LAMA2: variants seen among roughly 807,000 people sequenced by gnomAD.
The protein encoded by LAMA2 is laminin subunit alpha-2.
In LAMA2, 269 loss-of-function variants were observed where a neutral mutation model predicts 364.8. That is an observed-to-expected ratio of 0.74 (90% CI 0.67 to 0.82). The LOEUF is 0.82. Among genes scored for constraint, LAMA2 ranks in the 40% least tolerant of loss-of-function variants. The pLI is 0.00. For synonymous variants in LAMA2, 1,379 were observed against 1,370.6 expected (o/e 1.01, Z -0.14); for missense variants, 3,807 against 3,873.2 (o/e 0.98, Z 0.45).
chr6:129,315,404 G>T (rs1409676401), intron 24 of LAMA2, 72 bp from the exon 25 acceptor site: 1 of 1,366,254 alleles, frequency 7.3e-7, no homozygotes, highest in African/African-American at 1.4e-5. Context: ...TAGACATGCA[G>T]TTCGTAACTT....
intron 1 of LAMA2, among the ~76,000 whole-genome samples, chr6:129,040,781 A>ACTG (rs1402521410): frequency 6.6e-6 from 1 of 152,202 alleles, no homozygotes; most frequent in Non-Finnish European, 1.5e-5. Context: ...AAGTGTTGTC[A>ACTG]CTGCTGGAGA....
Position 129,128,632 on chromosome 6 carries a change from A to G in LAMA2, c.640-15269A>G, listed in dbSNP as rs141174721. Among the ~76,000 whole-genome samples the G allele has an allele frequency of 2.5e-4, 38 of 152,352 alleles. No individual in the cohort carries two copies. The East Asian group carries it at 6.9e-3, about 28-fold the overall frequency. ...TTAAATTCTTCCAATCCATGAACAC[A>G]GGATATCTTTCCATTTATTCATGCC... On this transcript the variant is annotated intron_variant, in intron 4 of 64. Coordinates refer to ENST00000421865, the MANE Select transcript of LAMA2 (RefSeq NM_000426.4).
At chr6:129,250,944 A>G (rs561375959) in intron 13 of LAMA2, among the ~76,000 whole-genome samples, 1 of 151,806 alleles carries the variant, frequency 6.6e-6, no homozygotes, top group Non-Finnish European at 1.5e-5. Flanking sequence ...AAAATGAAAA[A>G]TTCTTTTCTC....
intron 12 of LAMA2, among the ~76,000 whole-genome samples, chr6:129,226,513 T>G (rs1364383042): frequency 1.3e-5 from 2 of 152,126 alleles, no homozygotes; most frequent in Admixed American, 6.6e-5. Context: ...AGGAGCTCTT[T>G]TAGGGCAGGC....
rs1248768902 is a variant in LAMA2 at position 129,098,292 on chromosome 6, A to G, written c.516A>G (p.Thr172=). 1.9e-6 allele frequency: 3 copies of G among 1,614,008 alleles called. No individual in the cohort carries two copies. In the Admixed American group the frequency reaches 5.0e-5, roughly 27 times the overall value. The change falls in exon 4 of 65, where the codon ACA becomes ACG. Residue 172 remains threonine, a synonymous_variant. Coordinates refer to ENST00000421865, the MANE Select transcript of LAMA2 (RefSeq NM_000426.4). ...EYKPWQYHAV[T]DTECLTLYNI... ...AGCCCTGGCAGTATCATGCTGTGAC[A>G]GACACGGAGTGCCTAACGCTTTACA...
chr6:129,008,811 A>G (rs1328743110), intron 1 of LAMA2, among the ~76,000 whole-genome samples: 1 of 152,176 alleles, frequency 6.6e-6, no homozygotes, highest in Non-Finnish European at 1.5e-5. Flanking sequence ...TTTGGATAGA[A>G]TCAGTTGCAG....
intron 12 of LAMA2, among the ~76,000 whole-genome samples, chr6:129,248,921 T>G (rs1481370774): frequency 6.6e-6 from 1 of 152,182 alleles, no homozygotes; most frequent in East Asian, 1.9e-4. Context: ...ATTTTATATG[T>G]GAAAAGACAT....
intron 12 of LAMA2, among the ~76,000 whole-genome samples, chr6:129,216,099 C>T (rs1783407628): frequency 1.3e-5 from 2 of 152,142 alleles, no homozygotes; most frequent in African/African-American, 2.4e-5. Flanking sequence ...AAGAGAATTT[C>T]GTTTTACAAA....
In LAMA2 at chr6:129,114,916, T is replaced by C. The variant is rs140958208; in HGVS notation, c.639+16501T>C. Among the ~76,000 whole-genome samples, 791 of 152,226 alleles carry C rather than the reference T, an allele frequency of 5.2e-3. 4 individuals carry two copies. The highest frequency in any genetic ancestry group is 0.018 in the African/African-American group (760 of 41,558). Reference sequence around the variant, plus strand: ...AACTAGCTAGCTTAGAATTTTGTGGTATTTGCATATGTCATTCATTTATGT... The same window carrying C: ...AACTAGCTAGCTTAGAATTTTGTGGCATTTGCATATGTCATTCATTTATGT... On this transcript the variant is annotated intron_variant, in intron 4 of 64. Transcript: ENST00000421865.
intron 1 of LAMA2, among the ~76,000 whole-genome samples, chr6:129,024,382 CTTTTTTTTTTT>C (rs202105513): frequency 1.2e-4 from 14 of 116,816 alleles, no homozygotes; most frequent in Non-Finnish European, 1.1e-4. Flanking sequence ...TCTTTTCTTT[CTTTTTTTTTTT>C]TTTTTTTTTT....
In LAMA2 at chr6:129,323,896, C is replaced by T. The variant is rs187168857; in HGVS notation, c.4176+3241C>T. On this transcript the variant is annotated intron_variant, in intron 28 of 64. Transcript: ENST00000421865. ...GGCTTTAGGCTTGCAGTTGAATGGCCGGTGTCTATTGGATCGCCACTCAGA... is the reference window on the plus strand; with the variant it reads ...GGCTTTAGGCTTGCAGTTGAATGGCTGGTGTCTATTGGATCGCCACTCAGA... 6.9e-3 allele frequency among the ~76,000 whole-genome samples: 1,046 copies of T among 152,270 alleles called. 4 individuals are homozygous for T. Among genetic ancestry groups the T allele is most frequent in the Non-Finnish European group, 9.6e-3 (651 of 68,014 alleles).
At chr6:129,172,820 C>T (rs972107179) in intron 9 of LAMA2, among the ~76,000 whole-genome samples, 40 of 152,318 alleles carry the variant, frequency 2.6e-4, no homozygotes, top group African/African-American at 5.8e-4. Flanking sequence ...TAGCAATCAG[C>T]GAGACTCCAT....
rs1223201003 is a variant in LAMA2 at position 129,473,325 on chromosome 6, G to A, written c.7412G>A (p.Gly2471Asp). The change falls in exon 52 of 65, where the codon GGT becomes GAT. Residue 2471 changes from glycine to aspartate, a missense_variant. Physicochemically the swap from Gly to Asp is moderately conservative, Grantham distance 94. Coordinates refer to ENST00000421865, the MANE Select transcript of LAMA2 (RefSeq NM_000426.4). ...DLKADDKIYF[G>D]GLPTLRNLSM... is the part of the protein sequence containing the mutation. Reference sequence around the variant, plus strand: ...AAAGCAGATGACAAAATATATTTTGGTGGCCTGCCAACGCTGAGAAACTTG... The same window carrying A: ...AAAGCAGATGACAAAATATATTTTGATGGCCTGCCAACGCTGAGAAACTTG... 2.5e-6 allele frequency: 4 copies of A among 1,612,510 alleles called. No homozygotes were observed. Among genetic ancestry groups the A allele is most frequent in the East Asian group, 2.2e-5 (1 of 44,768 alleles).
At position 129,157,666 on chromosome 6, in the gene LAMA2, G is replaced by A. The variant is rs1471907490; in HGVS notation, c.1206+2983G>A. 44 of 1,612,064 alleles carry A rather than the reference G, an allele frequency of 2.7e-5. No homozygotes were observed. The African/African-American group carries it at 4.8e-4, about 18-fold the overall frequency. On this transcript the variant is annotated intron_variant, in intron 8 of 64. Transcript: ENST00000421865. ...CGTAGACATTCATCACTGTTCCACCGATTAGACACAATTGGCCGCAAACGT... is the reference window on the plus strand; with the variant it reads ...CGTAGACATTCATCACTGTTCCACCAATTAGACACAATTGGCCGCAAACGT...
intron 46 of LAMA2, among the ~76,000 whole-genome samples, chr6:129,453,413 G>A (rs1327207875): frequency 6.6e-6 from 1 of 152,106 alleles, no homozygotes; most frequent in African/African-American, 2.4e-5. Flanking sequence ...AGTGATTTAA[G>A]AATGCTAATG....
intron 1 of LAMA2, among the ~76,000 whole-genome samples, chr6:128,977,550 C>G (rs1282053858): frequency 1.3e-5 from 2 of 152,170 alleles, no homozygotes; most frequent in Non-Finnish European, 2.9e-5. Context: ...ACATGAGCCA[C>G]CTCACCCAAA....
chr6:129,477,777 TA>T (rs527464740), intron 53 of LAMA2, among the ~76,000 whole-genome samples: 36 of 151,398 alleles, frequency 2.4e-4, no homozygotes, highest in African/African-American at 5.3e-4. Context: ...ATTAATCTGT[TA>T]AAAAAAAACA....
At chr6:129,061,196 G>A in intron 3 of LAMA2, among the ~76,000 whole-genome samples, 1 of 152,226 alleles carries the variant, frequency 6.6e-6, no homozygotes, top group South Asian at 2.1e-4. Context: ...GGTCACAAGA[G>A]TTCTCCCCCT....
intron 7 of LAMA2, 71 bp from the exon 8 acceptor site, chr6:129,154,434 A>G (rs1198143821): frequency 4.3e-6 from 6 of 1,390,380 alleles, no homozygotes; most frequent in South Asian, 3.6e-5. Context: ...TCTATTATGT[A>G]TAACAGAAAT....
Sources: gnomAD v4.1 joint callset for allele counts (sites outside exome capture counted in the v4.1 genomes callset) on GRCh38, gnomAD v4.1.1 for gene constraint, MANE v1.5 for transcripts, NCBI Gene and HGNC (gene_info 2026-07-23, HGNC 2026-07-21) for gene names.